The following SHC3 variants were observed in gnomAD, a reference collection of about 807,000 sequenced individuals.
SHC3 encodes the protein SHC-transforming protein 3.
Under a neutral mutation model 60.4 loss-of-function variants are expected in SHC3, and 15 were observed. That is an observed-to-expected ratio of 0.25 (90% CI 0.17 to 0.38). The LOEUF (loss-of-function observed/expected upper bound fraction) is 0.38. Ranked by LOEUF, SHC3 falls within the 10% of genes least tolerant of loss-of-function variation. The pLI is 1.00. For missense variants in SHC3, 677 were observed against 786.1 expected, an observed-to-expected ratio of 0.86 and a Z score of 1.66; for synonymous variants, 294 against 325.9, an observed-to-expected ratio of 0.90 and a Z score of 1.05.
chr9:89,123,657 A>C (rs893956825), intron 1 of SHC3, among the ~76,000 whole-genome samples: 1 of 152,198 alleles, frequency 6.6e-6, no homozygotes, highest in Non-Finnish European at 1.5e-5. Context: ...GACAAAGTCA[A>C]ATCCAGCTTC....
chr9:89,137,002 T>A (rs74607740), intron 1 of SHC3, among the ~76,000 whole-genome samples: 10,062 of 152,134 alleles, frequency 0.066, 462 homozygotes, highest in Middle Eastern at 0.12. Context: ...AGCAGGCACA[T>A]CTTACATGCT....
At chr9:89,146,675 C>T (rs1414327386) in intron 1 of SHC3, among the ~76,000 whole-genome samples, 2 of 152,120 alleles carry the variant, frequency 1.3e-5, no homozygotes, top group African/African-American at 4.8e-5. Flanking sequence ...GGAGTCCTGC[C>T]TACCTTCAGA....
chr9:89,063,678 C>T (rs748313125), intron 6 of SHC3, among the ~76,000 whole-genome samples: 4 of 152,252 alleles, frequency 2.6e-5, no homozygotes, highest in Non-Finnish European at 5.9e-5. Context: ...AGCCCAGACT[C>T]TCTAGCTAAA....
chr9:89,017,301 T>C (rs1235910630), intron 11 of SHC3, among the ~76,000 whole-genome samples: 1 of 152,144 alleles, frequency 6.6e-6, no homozygotes, highest in Non-Finnish European at 1.5e-5. Context: ...GAAACAGATA[T>C]ATAAACCAAT....
intron 11 of SHC3, among the ~76,000 whole-genome samples, chr9:89,029,034 AG>A (rs995639882): frequency 1.4e-4 from 21 of 150,938 alleles, no homozygotes; most frequent in African/African-American, 4.6e-4. Context: ...ATATAGATCT[AG>A]ATTATATCTA....
chr9:89,169,266 C>T (rs1826835414), intron 1 of SHC3, among the ~76,000 whole-genome samples: 3 of 152,166 alleles, frequency 2.0e-5, no homozygotes, highest in Non-Finnish European at 4.4e-5. Context: ...CACCTGAGGA[C>T]TAGGAGGCCT....
chr9:89,081,868 A>G (rs978103705), intron 2 of SHC3, among the ~76,000 whole-genome samples: 2 of 152,110 alleles, frequency 1.3e-5, no homozygotes, highest in African/African-American at 4.8e-5. Context: ...CCACGGAAGA[A>G]AGTGCCTCCT....
chr9:89,162,353 C>G (rs1826720483), intron 1 of SHC3, among the ~76,000 whole-genome samples: 3 of 152,048 alleles, frequency 2.0e-5, no homozygotes, highest in Admixed American at 6.5e-5. Context: ...TACTACAAGG[C>G]TACAGTAACC....
chr9:89,056,596 G>A (rs1824954922), intron 6 of SHC3, among the ~76,000 whole-genome samples: 1 of 152,226 alleles, frequency 6.6e-6, no homozygotes, highest in African/African-American at 2.4e-5. Flanking sequence ...CTCTCCAAGA[G>A]GTTTAGTTCA....
intron 1 of SHC3, among the ~76,000 whole-genome samples, chr9:89,154,869 A>C (rs1403216289): frequency 6.6e-6 from 1 of 152,236 alleles, no homozygotes; most frequent in Non-Finnish European, 1.5e-5. Flanking sequence ...CCAAAGTCAA[A>C]GGAAAAGAGC....
chr9:89,062,669 G>A (rs1241945902), intron 6 of SHC3, among the ~76,000 whole-genome samples: 1 of 152,186 alleles, frequency 6.6e-6, no homozygotes, highest in African/African-American at 2.4e-5. Flanking sequence ...GTCTTTAGGG[G>A]CTGTGCCTGC....
intron 6 of SHC3, among the ~76,000 whole-genome samples, chr9:89,059,936 T>A (rs892321432): frequency 7.2e-6 from 1 of 138,372 alleles, no homozygotes; most frequent in Non-Finnish European, 1.5e-5. Context: ...TAGGATGTGG[T>A]GGAGGACATA....
intron 2 of SHC3, among the ~76,000 whole-genome samples, chr9:89,108,577 C>T (rs1297532363): frequency 6.6e-6 from 1 of 151,834 alleles, no homozygotes; most frequent in Non-Finnish European, 1.5e-5. Flanking sequence ...ACATACACAC[C>T]TATCCCTGAT....
intron 2 of SHC3, among the ~76,000 whole-genome samples, chr9:89,101,203 T>C (rs2118083074): frequency 6.6e-6 from 1 of 152,344 alleles, no homozygotes; most frequent in Admixed American, 6.5e-5. Context: ...AATTTTATTT[T>C]CCAATTGACC....
At chr9:89,138,918 T>C (rs1587748271) in intron 1 of SHC3, among the ~76,000 whole-genome samples, 1 of 152,218 alleles carries the variant, frequency 6.6e-6, no homozygotes, top group East Asian at 1.9e-4. Flanking sequence ...GAAAAGGTGG[T>C]ATCTGGAAGA....
At chr9:89,120,306 A>G (rs1826075071) in intron 1 of SHC3, among the ~76,000 whole-genome samples, 1 of 152,196 alleles carries the variant, frequency 6.6e-6, no homozygotes, top group Non-Finnish European at 1.5e-5. Flanking sequence ...ACTGAGAAAA[A>G]TGTAATAAAT....
intron 11 of SHC3, among the ~76,000 whole-genome samples, chr9:89,032,316 T>C (rs1824503766): frequency 6.6e-6 from 1 of 152,208 alleles, no homozygotes; most frequent in South Asian, 2.1e-4. Context: ...TGTTTTGTGA[T>C]TTTATGAACA....
intron 11 of SHC3, among the ~76,000 whole-genome samples, chr9:89,018,315 A>G (rs1048293309): frequency 2.6e-5 from 4 of 152,206 alleles, no homozygotes; most frequent in African/African-American, 9.7e-5. Flanking sequence ...AGCCATAAAA[A>G]AAAGGATGAG....
At chr9:89,139,085 T>G (rs1000466556) in intron 1 of SHC3, among the ~76,000 whole-genome samples, 3 of 152,226 alleles carry the variant, frequency 2.0e-5, no homozygotes, top group African/African-American at 7.2e-5. Context: ...TGGGAAACTG[T>G]TGGAACCAGG....
Sources: gnomAD v4.1 joint callset for allele counts (sites outside exome capture counted in the v4.1 genomes callset) on GRCh38, gnomAD v4.1.1 for gene constraint, MANE v1.5 for transcripts, NCBI Gene and HGNC (gene_info 2026-07-23, HGNC 2026-07-21) for gene names.